The following LRP1B variants were observed in gnomAD, a reference collection of about 807,000 sequenced individuals.
The protein encoded by LRP1B is LDL receptor related protein 1B.
LRP1B carries 217 observed loss-of-function variants against 556.6 expected under a neutral mutation model. The ratio of observed to expected loss-of-function variants is 0.39; its 90% CI spans 0.35 to 0.44. The LOEUF (loss-of-function observed/expected upper bound fraction) is 0.44. LRP1B is among the 20% of genes least tolerant of loss of function. LRP1B has a pLI of 1.00. For synonymous variants in LRP1B, 2,047 were observed against 1,865.8 expected, an observed-to-expected ratio of 1.10 and a Z score of -2.50; for missense variants, 5,053 against 5,620.8, an observed-to-expected ratio of 0.90 and a Z score of 3.23.
chr2:140,984,322 C>A (rs1696857100), intron 17 of LRP1B, among the ~76,000 whole-genome samples: 1 of 151,584 alleles, frequency 6.6e-6, no homozygotes, highest in Admixed American at 6.6e-5. Flanking sequence ...TTTTCTTTTT[C>A]TTTTCCATAC....
At chr2:141,365,295 T>C (rs1688975215) in intron 3 of LRP1B, among the ~76,000 whole-genome samples, 1 of 152,126 alleles carries the variant, frequency 6.6e-6, no homozygotes, top group African/African-American at 2.4e-5. Flanking sequence ...ATTCCAAGCC[T>C]CAAGTGATCC....
At chr2:141,901,267 C>G (rs1428254120) in intron 1 of LRP1B, among the ~76,000 whole-genome samples, 1 of 151,928 alleles carries the variant, frequency 6.6e-6, no homozygotes, top group African/African-American at 2.4e-5. Flanking sequence ...CACTCAATCT[C>G]CCAGCAATGA....
intron 35 of LRP1B, among the ~76,000 whole-genome samples, chr2:140,737,784 G>A (rs2105514617): frequency 6.6e-6 from 1 of 152,272 alleles, no homozygotes; most frequent in African/African-American, 2.4e-5. Flanking sequence ...TGTTTAATTT[G>A]CCAGTCTGGC....
intron 63 of LRP1B, among the ~76,000 whole-genome samples, chr2:140,445,896 A>G (rs1412304815): frequency 4.6e-5 from 7 of 152,144 alleles, no homozygotes; most frequent in Admixed American, 4.6e-4. Context: ...TTTGAGGTTA[A>G]TATTATCTTT....
intron 71 of LRP1B, among the ~76,000 whole-genome samples, chr2:140,369,470 T>G (rs1682897862): frequency 6.6e-6 from 1 of 151,948 alleles, no homozygotes. Context: ...CTGCCAGACT[T>G]TCCACAATGT....
intron 14 of LRP1B, among the ~76,000 whole-genome samples, chr2:141,012,900 A>C (rs969406293): frequency 6.6e-6 from 1 of 151,930 alleles, no homozygotes; most frequent in African/African-American, 2.4e-5. Context: ...TAGACTCATA[A>C]AAAACCTACC....
At chr2:142,079,751 C>A (rs1559059362) in intron 1 of LRP1B, among the ~76,000 whole-genome samples, 2 of 152,138 alleles carry the variant, frequency 1.3e-5, no homozygotes, top group Admixed American at 1.3e-4. Context: ...CTCAGGTAAT[C>A]CACTCACCTT....
At chr2:140,798,025 C>A (rs1020409450) in intron 32 of LRP1B, among the ~76,000 whole-genome samples, 3 of 152,122 alleles carry the variant, frequency 2.0e-5, no homozygotes, top group Non-Finnish European at 4.4e-5. Context: ...TCCTCCTAAC[C>A]CAACTCTACA....
At chr2:141,856,572 T>A (rs187384056) in intron 1 of LRP1B, among the ~76,000 whole-genome samples, 33 of 152,312 alleles carry the variant, frequency 2.2e-4, no homozygotes, top group Admixed American at 9.2e-4. Flanking sequence ...AAAACCCAGT[T>A]ATCCAGACTT....
At chr2:141,709,283 A>T (rs1232619230) in intron 2 of LRP1B, among the ~76,000 whole-genome samples, 1 of 152,068 alleles carries the variant, frequency 6.6e-6, no homozygotes, top group Non-Finnish European at 1.5e-5. Flanking sequence ...TGGGAGGCAG[A>T]AGTTGCAGTG....
intron 43 of LRP1B, among the ~76,000 whole-genome samples, chr2:140,556,180 C>T (rs2105064102): frequency 6.6e-6 from 1 of 152,164 alleles, no homozygotes; most frequent in South Asian, 2.1e-4. Flanking sequence ...AGGAAGGCAA[C>T]TCTGACCTTC....
chr2:141,803,326 A>C (rs2105692383), intron 2 of LRP1B, among the ~76,000 whole-genome samples: 1 of 151,592 alleles, frequency 6.6e-6, no homozygotes, highest in African/African-American at 2.4e-5. Flanking sequence ...GTACTGGGCA[A>C]ATGTACCAGT....
intron 35 of LRP1B, among the ~76,000 whole-genome samples, chr2:140,752,222 A>G (rs953471223): frequency 1.3e-5 from 2 of 152,064 alleles, no homozygotes; most frequent in African/African-American, 4.8e-5. Flanking sequence ...GCTGAGGCAG[A>G]AGAATTACTT....
intron 2 of LRP1B, among the ~76,000 whole-genome samples, chr2:141,613,377 G>C (rs952316625): frequency 6.6e-6 from 1 of 152,072 alleles, no homozygotes; most frequent in East Asian, 1.9e-4. Context: ...TAAAAAATCC[G>C]TATAAGAAAC....
chr2:140,376,315 G>A lies in LRP1B; in HGVS notation c.10638+1865C>T, dbSNP rs183960282. Among the ~76,000 whole-genome samples, 14 of 152,206 alleles carry A rather than the reference G, an allele frequency of 9.2e-5. No individual in the cohort carries two copies. In the East Asian group the frequency reaches 2.7e-3, roughly 29 times the overall value. ...GTATTTGATTTCGCATATGCACTTT[G>A]CATATCTTGTGAATATGATTCAAGA... On this transcript the variant is annotated intron_variant, in intron 68 of 90. Coordinates refer to ENST00000389484, the MANE Select transcript of LRP1B (RefSeq NM_018557.3).
intron 66 of LRP1B, among the ~76,000 whole-genome samples, chr2:140,434,854 G>A (rs779588163): frequency 1.4e-4 from 21 of 152,044 alleles, no homozygotes; most frequent in African/African-American, 1.2e-4. Flanking sequence ...TTTTCATAGC[G>A]AAATCTAACA....
rs1558756195 is a variant in LRP1B, at chr2:140,264,700, ATATGTG to A, written c.13247+5536_13247+5541del. 6.4e-5 allele frequency among the ~76,000 whole-genome samples: 6 copies of A among 94,234 alleles called. No homozygotes were observed. In the East Asian group the frequency reaches 1.1e-3, roughly 18 times the overall value. The allele number at this position is 94,234 out of a possible 152,430, so 61.8% of individuals were successfully genotyped here. Reference sequence around the variant, plus strand: ...AATGACAAAAAAAAAAATTGTCTATATATGTGTGTGTGTGTGTGTGTGTGTGTGTGT... The same window carrying A: ...AATGACAAAAAAAAAAATTGTCTATATGTGTGTGTGTGTGTGTGTGTGTGT... On this transcript the variant is annotated intron_variant, in intron 86 of 90. Coordinates refer to ENST00000389484, the MANE Select transcript of LRP1B (RefSeq NM_018557.3).
intron 43 of LRP1B, among the ~76,000 whole-genome samples, chr2:140,556,500 C>T (rs1379295243): frequency 6.6e-6 from 1 of 152,018 alleles, no homozygotes; most frequent in African/African-American, 2.4e-5. Flanking sequence ...TCAAACTTAG[C>T]ACAAAAATTC....
intron 9 of LRP1B, among the ~76,000 whole-genome samples, chr2:141,057,428 TG>T (rs1699207841): frequency 6.6e-6 from 1 of 151,818 alleles, no homozygotes; most frequent in Admixed American, 6.6e-5. Flanking sequence ...TCCCACCACC[TG>T]CAATGTTGTT....
Sources: allele counts gnomAD v4.1 joint callset (sites outside exome capture counted in the v4.1 genomes callset), GRCh38; gene constraint gnomAD v4.1.1; transcripts MANE v1.5; gene names NCBI Gene and HGNC (gene_info 2026-07-23, HGNC 2026-07-21).